Variants in SLC22A15 observed in about 807,000 individuals in gnomAD.
SLC22A15 encodes the protein solute carrier family 22 member 15, also known as flipt 1.
Under a neutral mutation model 62.7 loss-of-function variants are expected in SLC22A15, and 45 were observed. The observed-to-expected ratio is 0.72, with a 90% confidence interval of 0.56 to 0.92. The LOEUF is 0.92. SLC22A15 is among the 40% of genes least tolerant of loss of function. The pLI is 0.00. For missense variants in SLC22A15, 622 were observed against 665.6 expected (o/e 0.93, Z 0.72); for synonymous variants, 264 against 267.0 (o/e 0.99, Z 0.11).
intron 1 of SLC22A15, among the ~76,000 whole-genome samples, chr1:115,978,838 C>G (rs1654454168): frequency 6.6e-6 from 1 of 152,110 alleles, no homozygotes; most frequent in Admixed American, 6.5e-5. Context: ...TTTGCTTCCC[C>G]CAGCAGAGTA....
At chr1:116,027,370 T>C (rs568376157) in intron 5 of SLC22A15, 7 of 522,460 alleles carry the variant, frequency 1.3e-5, no homozygotes, top group East Asian at 5.4e-5. Context: ...TGAGGTATGA[T>C]TTTGTAGAAC....
In SLC22A15 at chr1:115,998,410, A is replaced by G. The variant is rs541028522; in HGVS notation, c.300+6167A>G. Among the ~76,000 whole-genome samples the G allele has an allele frequency of 9.9e-5, 15 of 152,182 alleles. 1 individual carries two copies. In the South Asian group the frequency reaches 2.9e-3, roughly 29 times the overall value. On this transcript the variant is annotated intron_variant, in intron 2 of 11. Transcript: ENST00000369503. ...TTGGTAGAATTCAGCAGTAAAGCCAATGGGTCTCTGGCATTTCTTTTCTGG... is the reference window on the plus strand; with the variant it reads ...TTGGTAGAATTCAGCAGTAAAGCCAGTGGGTCTCTGGCATTTCTTTTCTGG...
chr1:116,025,234 A>C (rs567365715), intron 4 of SLC22A15, among the ~76,000 whole-genome samples: 66 of 152,136 alleles, frequency 4.3e-4, no homozygotes, highest in Non-Finnish European at 8.2e-4. Context: ...TTTTGCCTAC[A>C]TTGTTGTCAA....
chr1:115,996,846 C>T (rs2101116863), intron 2 of SLC22A15, among the ~76,000 whole-genome samples: 1 of 151,988 alleles, frequency 6.6e-6, no homozygotes, highest in African/African-American at 2.4e-5. Context: ...TAGTCCATTT[C>T]ATCTAAGTTG....
chr1:116,044,803 A>G (rs1657886207), intron 8 of SLC22A15, among the ~76,000 whole-genome samples: 1 of 152,186 alleles, frequency 6.6e-6, no homozygotes, highest in Non-Finnish European at 1.5e-5. Flanking sequence ...TTTAGGGATA[A>G]ATTTTATGAA....
chr1:116,050,101 A>G (rs1658012059), intron 8 of SLC22A15, among the ~76,000 whole-genome samples: 1 of 152,174 alleles, frequency 6.6e-6, no homozygotes. Context: ...TGAAATGGTA[A>G]TTTAAAAATT....
At chr1:115,980,325 G>T (rs1033140389) in intron 1 of SLC22A15, among the ~76,000 whole-genome samples, 2 of 152,040 alleles carry the variant, frequency 1.3e-5, no homozygotes, top group Non-Finnish European at 2.9e-5. Flanking sequence ...ACCTAGCATT[G>T]AACTCCTAGG....
chr1:116,067,038 C>T lies in SLC22A15; in HGVS notation c.1574C>T (p.Ser525Phe). 6.2e-7 allele frequency: 1 copy of T among 1,612,434 alleles called. No individual in the cohort carries two copies. The highest frequency in any genetic ancestry group is 8.5e-7 in the Non-Finnish European group (1 of 1,179,326). ...DPQQCVDKES[S>F]LGSESEEEEE... is the part of the protein sequence containing the mutation. ...TTTCAGTGTGTGGACAAGGAGAGCT[C>T]TTTAGGGAGTGAGAGTGAGGAAGAG... The change falls in exon 12 of 12, where the codon TCT (serine) becomes TTT (phenylalanine). Residue 525 changes from serine to phenylalanine, a missense_variant. Ser to Phe is a radical substitution (Grantham distance 155). Transcript: ENST00000369503.
chr1:115,981,843 A>G (rs1013648518), intron 1 of SLC22A15, among the ~76,000 whole-genome samples: 1 of 152,218 alleles, frequency 6.6e-6, no homozygotes, highest in African/African-American at 2.4e-5. Flanking sequence ...CCAAGATAGC[A>G]CAAAAATAGT....
At chr1:116,030,420 A>G (rs1385536678) in intron 5 of SLC22A15, among the ~76,000 whole-genome samples, 1 of 152,102 alleles carries the variant, frequency 6.6e-6, no homozygotes, top group East Asian at 1.9e-4. Flanking sequence ...TCTAAGTTTC[A>G]TTTTAGGCAG....
At chr1:116,026,151 C>G (rs1189877030) in intron 4 of SLC22A15, among the ~76,000 whole-genome samples, 1 of 152,038 alleles carries the variant, frequency 6.6e-6, no homozygotes, top group Admixed American at 6.6e-5. Flanking sequence ...AGGTGGCTCA[C>G]GCCTGTAATC....
chr1:116,062,655 T>G, intron 8 of SLC22A15, 107 bp from the exon 9 acceptor site: 1 of 1,294,254 alleles, frequency 7.7e-7, no homozygotes, highest in Non-Finnish European at 1.1e-6. Flanking sequence ...ATCTCTTTGC[T>G]CTTTGAGATC....
chr1:115,994,889 C>G (rs1655341562), intron 2 of SLC22A15, among the ~76,000 whole-genome samples: 1 of 152,178 alleles, frequency 6.6e-6, no homozygotes, highest in Admixed American at 6.5e-5. Flanking sequence ...TCCTTGATAG[C>G]ATTGTATTTT....
intron 6 of SLC22A15, chr1:116,031,984 G>A: frequency 1.9e-6 from 2 of 1,062,346 alleles, no homozygotes; most frequent in South Asian, 3.1e-5. Flanking sequence ...GCATCAAGCA[G>A]TTTGCTAGCA....
chr1:115,982,122 T>C (rs931442605), intron 1 of SLC22A15, among the ~76,000 whole-genome samples: 2 of 152,230 alleles, frequency 1.3e-5, no homozygotes, highest in African/African-American at 4.8e-5. Context: ...GCTTGGTTCA[T>C]AACCACAATT....
chr1:115,981,877 A>C (rs1283161576), intron 1 of SLC22A15, among the ~76,000 whole-genome samples: 1 of 152,218 alleles, frequency 6.6e-6, no homozygotes, highest in East Asian at 1.9e-4. Flanking sequence ...AGGACAGGCA[A>C]TGTGAATATG....
chr1:116,019,161 A>G (rs1442604220), intron 2 of SLC22A15, among the ~76,000 whole-genome samples: 1 of 152,194 alleles, frequency 6.6e-6, no homozygotes, highest in Non-Finnish European at 1.5e-5. Flanking sequence ...GAGATTTTAA[A>G]CCCATAAGCC....
At chr1:116,059,365 A>G (rs1658317799) in intron 8 of SLC22A15, among the ~76,000 whole-genome samples, 1 of 152,198 alleles carries the variant, frequency 6.6e-6, no homozygotes, top group South Asian at 2.1e-4. Flanking sequence ...TTTGATGCAA[A>G]TGTTCATAGT....
At chr1:116,057,964 G>C (rs1412071021) in intron 8 of SLC22A15, among the ~76,000 whole-genome samples, 1 of 151,774 alleles carries the variant, frequency 6.6e-6, no homozygotes, top group Admixed American at 6.6e-5. Context: ...GCTAAATGAC[G>C]AGTTAATGGG....
Sources: gnomAD v4.1 joint callset for allele counts (sites outside exome capture counted in the v4.1 genomes callset) on GRCh38, gnomAD v4.1.1 for gene constraint, MANE v1.5 for transcripts, NCBI Gene and HGNC (gene_info 2026-07-23, HGNC 2026-07-21) for gene names.